The following HECA variants were observed in gnomAD, a reference collection of about 807,000 sequenced individuals.
The protein encoded by HECA is HECA ribonucleoprotein granule regulator.
Under a neutral mutation model 37.6 loss-of-function variants are expected in HECA, and 13 were observed. The ratio of observed to expected loss-of-function variants is 0.35; its 90% confidence interval spans 0.23 to 0.55. The LOEUF (loss-of-function observed/expected upper bound fraction) is 0.55. Among genes scored for constraint, HECA ranks in the 20% least tolerant of loss-of-function variants. HECA has a pLI of 0.90. For missense variants in HECA, 527 were observed against 701.9 expected, an observed-to-expected ratio of 0.75 and a Z score of 2.82; for synonymous variants, 307 against 291.5, an observed-to-expected ratio of 1.05 and a Z score of -0.54.
At position 139,166,465 on chromosome 6, in the gene HECA, G is replaced by A. The variant is rs534872191; in HGVS notation, c.453G>A (p.Ala151=). Residue 151 remains alanine, a synonymous_variant, in exon 2 of 4, where the codon GCG becomes GCA. Coordinates refer to ENST00000367658, the MANE Select transcript of HECA (RefSeq NM_016217.3). ...TCCAGTTCAACTGCATCGGCCGCGC[G>A]CGCAGCTGGAACGAGAAGCAATGCC... ...ILVQFNCIGR[A]RSWNEKQCRQ... is the part of the protein sequence containing the mutation. 14 of 1,614,200 alleles carry A rather than the reference G, an allele frequency of 8.7e-6. No homozygotes were observed. The South Asian group carries it at 9.9e-5, about 11-fold the overall frequency.
At chr6:139,158,670 C>CAAAA (rs4052916) in intron 1 of HECA, among the ~76,000 whole-genome samples, 5 of 123,122 alleles carry the variant, frequency 4.1e-5, no homozygotes, top group East Asian at 2.8e-4. Context: ...GACCCTGTCT[C>CAAAA]AAAAAAAAAA....
rs772826816 is a variant in HECA, at chr6:139,176,945, G to A, written c.1472G>A (p.Arg491His). The change falls in exon 4 of 4, where the codon CGC (arginine) becomes CAC (histidine). Residue 491 changes from arginine to histidine, a missense_variant. Physicochemically the swap from Arg to His is conservative, Grantham distance 29. This residue lies in a region of HECA where 106 missense variants were observed against 193.4 expected (regional missense o/e 0.55). Coordinates refer to ENST00000367658, the MANE Select transcript of HECA (RefSeq NM_016217.3). This position sits in a 1 kb window ranked among gnomAD's most constrained non-coding sequence, Gnocchi z 4.5. ...ILAASPCCQA[R>H]LNCKHCGKPV... ...GATGGTGTCTGTTTCCCCCAGGCCCGCCTGAACTGTAAGCACTGTGGGAAG... is the reference window on the plus strand; with the variant it reads ...GATGGTGTCTGTTTCCCCCAGGCCCACCTGAACTGTAAGCACTGTGGGAAG... 2 of 871,202 alleles carry A rather than the reference G, an allele frequency of 2.3e-6. No individual in the cohort carries two copies. Among genetic ancestry groups the A allele is most frequent in the Non-Finnish European group, 4.0e-6 (2 of 500,530 alleles). 54.0% of individuals were successfully genotyped at this position (871,202 alleles called of 1,614,324 possible). A position where few individuals can be genotyped will look rare whatever the true frequency, so the allele number is the denominator to read the frequency against.
Position 139,137,417 on chromosome 6 carries a change from A to G in HECA, c.271+1750A>G, listed in dbSNP as rs532958000. Among the ~76,000 whole-genome samples the G allele has an allele frequency of 4.1e-4, 62 of 152,332 alleles. No individual in the cohort carries two copies. In the South Asian group the frequency reaches 0.012, roughly 30 times the overall value. ...TCTTGTTATTTTAAAGGTTACATAT[A>G]TAATGAGCTTAAAGTTTCTCACAAA... On this transcript the variant is annotated intron_variant, in intron 1 of 3. Coordinates refer to ENST00000367658, the MANE Select transcript of HECA (RefSeq NM_016217.3).
rs1310028164 is a variant in HECA, at chr6:139,135,191, C to A, written c.-206C>A. On this transcript the variant is annotated 5_prime_UTR_variant, in exon 1 of 4. Transcript: ENST00000367658. ...CGCGCGGCTGCGAGCCTCGGGTGGC[C>A]GCGTGCCGGCTCCAGGAAGCCGGAG... 3 of 265,794 alleles carry A rather than the reference C, an allele frequency of 1.1e-5. No homozygotes were observed. Among genetic ancestry groups the A allele is most frequent in the African/African-American group, 4.6e-5 (2 of 43,656 alleles). 16.5% of individuals were successfully genotyped at this position (265,794 alleles called of 1,614,324 possible). A position where few individuals can be genotyped will look rare whatever the true frequency, so the allele number is the denominator to read the frequency against.
rs757738486 is a variant in HECA, at chr6:139,167,117, G to C, written c.1105G>C (p.Glu369Gln). 35 of 1,614,194 alleles carry C rather than the reference G, an allele frequency of 2.2e-5. No homozygotes were observed. Among genetic ancestry groups the C allele is most frequent in the Non-Finnish European group, 2.7e-5 (32 of 1,180,034 alleles). The change falls in exon 2 of 4, where the codon GAA becomes CAA. Residue 369 changes from glutamate to glutamine, a missense_variant. This residue lies in a region of HECA where 228 missense variants were observed against 259.8 expected (regional missense o/e 0.88). Transcript: ENST00000367658. ...GCTGAACACTTTCCACGTGCGCATG[G>C]AAGACGATGCCCAAGTGGGCCAGGG... ...HKLNTFHVRM[E>Q]DDAQVGQGED... is the part of the protein sequence containing the mutation.
At chr6:139,158,284 C>T (rs1289773428) in intron 1 of HECA, among the ~76,000 whole-genome samples, 1 of 151,752 alleles carries the variant, frequency 6.6e-6, no homozygotes, top group African/African-American at 2.4e-5. Context: ...GGGCAGATCA[C>T]GAGGTCAGGA....
chr6:139,160,607 G>A (rs920399497), intron 1 of HECA, among the ~76,000 whole-genome samples: 8 of 152,140 alleles, frequency 5.3e-5, no homozygotes, highest in Admixed American at 2.0e-4. Flanking sequence ...TGGAGACGGA[G>A]TCTCACTATG....
At chr6:139,163,502 C>T (rs142918236) in intron 1 of HECA, among the ~76,000 whole-genome samples, 14 of 151,956 alleles carry the variant, frequency 9.2e-5, no homozygotes, top group South Asian at 6.2e-4. Flanking sequence ...TACAGGTGTG[C>T]GCCACTACAC....
At chr6:139,137,097 AC>A in intron 1 of HECA, among the ~76,000 whole-genome samples, 1 of 152,074 alleles carries the variant, frequency 6.6e-6, no homozygotes, top group Non-Finnish European at 1.5e-5. Flanking sequence ...AAACAAACTT[AC>A]CCCGTTTGTG....
chr6:139,142,312 A>G (rs1209400610), intron 1 of HECA, among the ~76,000 whole-genome samples: 1 of 152,136 alleles, frequency 6.6e-6, no homozygotes, highest in African/African-American at 2.4e-5. Context: ...AGGGACACAA[A>G]CATTCAAACC....
intron 1 of HECA, chr6:139,144,714 A>G (rs1364990366): frequency 2.0e-5 from 3 of 152,262 alleles, no homozygotes; most frequent in Non-Finnish European, 4.4e-5. Context: ...CAGAATGAGT[A>G]TCTTTTAATA....
intron 1 of HECA, among the ~76,000 whole-genome samples, chr6:139,138,343 A>G (rs965727906): frequency 6.6e-6 from 1 of 152,232 alleles, no homozygotes; most frequent in Non-Finnish European, 1.5e-5. Flanking sequence ...TAACTGTGAC[A>G]TTAGATTTTG....
Position 139,179,354 on chromosome 6 carries a change from C to T in HECA, c.*2249C>T, listed in dbSNP as rs761622614. 1 of 152,148 alleles carries T rather than the reference C, an allele frequency of 6.6e-6. No individual in the cohort carries two copies. Among genetic ancestry groups the T allele is most frequent in the South Asian group, 2.1e-4 (1 of 4,824 alleles). The allele number at this position is 152,148 out of a possible 1,614,324, so 9.4% of individuals were successfully genotyped here. A position where few individuals can be genotyped will look rare whatever the true frequency, so the allele number is the denominator to read the frequency against. On this transcript the variant is annotated 3_prime_UTR_variant, in exon 4 of 4. Transcript: ENST00000367658. ...TTGTTGTTCTGAAGCTTACAATTGA[C>T]CTATACATTGCATTCAGCAAGCTCC...
chr6:139,179,839 A>T lies in HECA; in HGVS notation c.*2734A>T, dbSNP rs190578454. The T allele has an allele frequency of 2.5e-4, 38 of 152,354 alleles. No individual in the cohort carries two copies. The highest frequency in any genetic ancestry group is 9.1e-4 in the African/African-American group (38 of 41,588). The allele number at this position is 152,354 out of a possible 1,614,324, so 9.4% of individuals were successfully genotyped here. Reference sequence around the variant, plus strand: ...AGAGATCCAATTTGTTTTTCTGATGAATAGTGTTCAGTAAAATGAAGCAGT... The same window carrying T: ...AGAGATCCAATTTGTTTTTCTGATGTATAGTGTTCAGTAAAATGAAGCAGT... On this transcript the variant is annotated 3_prime_UTR_variant, in exon 4 of 4. Transcript: ENST00000367658.
intron 1 of HECA, among the ~76,000 whole-genome samples, chr6:139,165,001 C>G (rs1403937086): frequency 2.6e-5 from 4 of 152,308 alleles, no homozygotes; most frequent in Admixed American, 6.5e-5. Flanking sequence ...AGCTGTGTCA[C>G]AGTCAGCTAA....
At chr6:139,139,782 C>T (rs1403373053) in intron 1 of HECA, among the ~76,000 whole-genome samples, 2 of 152,206 alleles carry the variant, frequency 1.3e-5, no homozygotes, top group Non-Finnish European at 2.9e-5. Flanking sequence ...GGTGGCATCT[C>T]TTTACCTGGA....
rs528690442 is a variant in HECA, at chr6:139,166,692, C to T, written c.680C>T (p.Pro227Leu). Reference sequence around the variant, plus strand: ...GCGGAGGAGGCAAAAAAGTGCAGGCCCCCAAATAAGCCCCAGAAAGGCCCA... The same window carrying T: ...GCGGAGGAGGCAAAAAAGTGCAGGCTCCCAAATAAGCCCCAGAAAGGCCCA... ...EAAEEAKKCR[P>L]PNKPQKGPSH... The change falls in exon 2 of 4, where the codon CCC (proline) becomes CTC (leucine). Residue 227 changes from proline (P) to leucine (L), a missense_variant. Around this residue, in one of 4 missense-constraint regions of HECA, gnomAD observed 228 missense variants for 259.8 expected, o/e 0.88. Coordinates refer to ENST00000367658, the MANE Select transcript of HECA (RefSeq NM_016217.3). 7 of 1,613,156 alleles carry T rather than the reference C, an allele frequency of 4.3e-6. No individual in the cohort carries two copies. The African/African-American group carries it at 6.7e-5, about 15-fold the overall frequency.
rs1562251645 is a variant in HECA, at chr6:139,177,657, T to A, written c.*552T>A. ...GAAAGTGGCACAAGTGCTGTTTCTA[T>A]CACTATTGTAATTTGCCAGTTCATT... On this transcript the variant is annotated 3_prime_UTR_variant, in exon 4 of 4. Coordinates refer to ENST00000367658, the MANE Select transcript of HECA (RefSeq NM_016217.3). The surrounding 1 kb of genome is among the most constrained non-coding windows in gnomAD (Gnocchi z 4.9). The A allele has an allele frequency of 2.6e-5, 4 of 152,784 alleles. No homozygotes were observed. Among genetic ancestry groups the A allele is most frequent in the Middle Eastern group, 3.4e-3 (1 of 294 alleles). 9.5% of individuals were successfully genotyped at this position (152,784 alleles called of 1,614,324 possible).
At chr6:139,173,571 T>C (rs1027055476) in intron 2 of HECA, among the ~76,000 whole-genome samples, 18 of 152,126 alleles carry the variant, frequency 1.2e-4, no homozygotes, top group Admixed American at 8.5e-4. Flanking sequence ...CTGATGGTAG[T>C]TTTTAACATG....
Sources: gnomAD v4.1 joint callset for allele counts (sites outside exome capture counted in the v4.1 genomes callset) on GRCh38, gnomAD v4.1.1 for gene constraint, gnomAD v4.1.1 regional missense constraint, Gnocchi (gnomAD v3.1) non-coding constraint, MANE v1.5 for transcripts, NCBI Gene and HGNC (gene_info 2026-07-23, HGNC 2026-07-21) for gene names.